The following EXT1 variants were observed in gnomAD, a reference collection of about 807,000 sequenced individuals.
EXT1 encodes the protein exostosin glycosyltransferase 1.
Under a neutral mutation model 82.5 loss-of-function variants are expected in EXT1, and 20 were observed. That is an observed-to-expected ratio of 0.24 (90% CI 0.17 to 0.35). The LOEUF is 0.35. Ranked by LOEUF, EXT1 falls within the 10% of genes least tolerant of loss-of-function variation. The pLI is 1.00. For missense variants in EXT1, 757 were observed against 936.5 expected, an observed-to-expected ratio of 0.81 and a Z score of 2.50; for synonymous variants, 348 against 350.8, an observed-to-expected ratio of 0.99 and a Z score of 0.09.
intron 1 of EXT1, among the ~76,000 whole-genome samples, chr8:117,997,685 G>A (rs1292522522): frequency 6.6e-6 from 1 of 152,202 alleles, no homozygotes; most frequent in Non-Finnish European, 1.5e-5. Flanking sequence ...CCATTATTCA[G>A]TAGAGGTACA....
intron 1 of EXT1, among the ~76,000 whole-genome samples, chr8:117,994,020 T>C (rs1306787865): frequency 6.6e-6 from 1 of 152,216 alleles, no homozygotes; most frequent in East Asian, 1.9e-4. Context: ...AGCAAAGTTC[T>C]TACTCTTCTC....
chr8:117,885,683 A>G (rs538616563), intron 1 of EXT1, among the ~76,000 whole-genome samples: 1 of 152,326 alleles, frequency 6.6e-6, no homozygotes, highest in East Asian at 1.9e-4. Flanking sequence ...TGTTCCACCA[A>G]GACTTTTCTT....
In EXT1 at chr8:117,827,129, GT is replaced by G. The variant is rs1460975815; in HGVS notation, c.1284+3100del. ...AAAGAGAGTCACGCCCAGACAGCTT[GT>G]GAGATTCTAGGTGGATATAATGTTT... is the stretch of plus-strand genomic sequence containing the variant. On this transcript the variant is annotated intron_variant, in intron 4 of 10. Coordinates refer to ENST00000378204, the MANE Select transcript of EXT1 (RefSeq NM_000127.3). Among the ~76,000 whole-genome samples, 28 of 152,210 alleles carry G rather than the reference GT, an allele frequency of 1.8e-4. 2 individuals are homozygous for G. The East Asian group carries it at 2.3e-3, about 13-fold the overall frequency.
chr8:117,947,400 T>G (rs1277182938), intron 1 of EXT1, among the ~76,000 whole-genome samples: 1 of 152,218 alleles, frequency 6.6e-6, no homozygotes, highest in Admixed American at 6.5e-5. Context: ...CATCGACTAC[T>G]GTGAATTAAA....
At chr8:117,845,625 T>C (rs1452880565) in intron 1 of EXT1, among the ~76,000 whole-genome samples, 1 of 152,178 alleles carries the variant, frequency 6.6e-6, no homozygotes, top group Admixed American at 6.5e-5. Flanking sequence ...AAATTTTAAT[T>C]TTTTATAGAG....
At chr8:118,039,201 T>C (rs1160631052) in intron 1 of EXT1, among the ~76,000 whole-genome samples, 1 of 152,256 alleles carries the variant, frequency 6.6e-6, no homozygotes. Flanking sequence ...TTACAAAGTG[T>C]ATGTAGGCTC....
intron 1 of EXT1, among the ~76,000 whole-genome samples, chr8:117,855,365 T>C (rs6992365): frequency 0.035 from 5,280 of 152,304 alleles, 296 homozygotes; most frequent in African/African-American, 0.12. Flanking sequence ...CTCTATCACA[T>C]TTTGGTAATT....
rs534497384 is a variant in EXT1 at position 117,935,023 on chromosome 8, A to T, written c.963-97822T>A. Among the ~76,000 whole-genome samples the T allele has an allele frequency of 2.0e-5, 3 of 152,282 alleles. No homozygotes were observed. The South Asian group carries it at 6.2e-4, about 32-fold the overall frequency. ...AAAGCATGTGAGCTTTCTTATCAAGACAGACCTGGCTTGAAAATCCATTCT... is the reference window on the plus strand; with the variant it reads ...AAAGCATGTGAGCTTTCTTATCAAGTCAGACCTGGCTTGAAAATCCATTCT... On this transcript the variant is annotated intron_variant, in intron 1 of 10. Coordinates refer to ENST00000378204, the MANE Select transcript of EXT1 (RefSeq NM_000127.3).
chr8:117,994,378 G>A (rs1815494338), intron 1 of EXT1, among the ~76,000 whole-genome samples: 1 of 152,204 alleles, frequency 6.6e-6, no homozygotes, highest in Non-Finnish European at 1.5e-5. Context: ...TTGGGAGGCT[G>A]AGCCAGATGG....
Position 118,080,688 on chromosome 8 carries a change from C to T in EXT1, c.962+29397G>A, listed in dbSNP as rs148241919. 3.6e-3 allele frequency among the ~76,000 whole-genome samples: 545 copies of T among 152,112 alleles called. 2 individuals carry two copies. The highest frequency in any genetic ancestry group is 0.012 in the African/African-American group (512 of 41,518). ...TTTAAAGTGCAAGGATTTTTGCCAC[C>T]GAAAGAACCTGAGCAATGAACTTAA... On this transcript the variant is annotated intron_variant, in intron 1 of 10. Transcript: ENST00000378204.
intron 1 of EXT1, among the ~76,000 whole-genome samples, chr8:117,868,070 C>T (rs902369802): frequency 3.3e-5 from 5 of 152,194 alleles, no homozygotes; most frequent in African/African-American, 1.2e-4. Context: ...GGCTCAGGAA[C>T]TTGGCTCCAG....
intron 1 of EXT1, among the ~76,000 whole-genome samples, chr8:117,859,342 G>A (rs895892754): frequency 1.3e-5 from 2 of 152,104 alleles, no homozygotes; most frequent in African/African-American, 4.8e-5. Flanking sequence ...ATAAAAATGA[G>A]GAAGAATAAG....
rs1237288043 is a variant in EXT1 at position 117,794,728 on chromosome 8, G to A, written c.*4984C>T. 7 of 151,944 alleles carry A rather than the reference G, an allele frequency of 4.6e-5. No individual in the cohort carries two copies. Among genetic ancestry groups the A allele is most frequent in the Admixed American group, 6.6e-5 (1 of 15,246 alleles). The allele number at this position is 151,944 out of a possible 1,614,324, so 9.4% of individuals were successfully genotyped here. On this transcript the variant is annotated 3_prime_UTR_variant, in exon 11 of 11. Coordinates refer to ENST00000378204, the MANE Select transcript of EXT1 (RefSeq NM_000127.3). ...AAGTCATTAATACTCTATAACAAAT[G>A]GGAAAAACACTTCAGAAAAGACCTG...
intron 1 of EXT1, among the ~76,000 whole-genome samples, chr8:117,906,610 C>A (rs540509356): frequency 1.3e-5 from 2 of 152,180 alleles, no homozygotes; most frequent in African/African-American, 4.8e-5. Context: ...ATGTTTCCTA[C>A]GAAATTCCTT....
At chr8:117,998,374 A>G (rs1815591447) in intron 1 of EXT1, among the ~76,000 whole-genome samples, 2 of 152,144 alleles carry the variant, frequency 1.3e-5, no homozygotes, top group South Asian at 4.1e-4. Flanking sequence ...CAGTGGCACA[A>G]TCATAGCTCA....
intron 1 of EXT1, among the ~76,000 whole-genome samples, chr8:117,872,043 G>T (rs1412188512): frequency 6.6e-6 from 1 of 151,924 alleles, no homozygotes; most frequent in African/African-American, 2.4e-5. Context: ...GAGGTGGAAG[G>T]ATCTCTTGGG....
At chr8:118,082,763 T>C (rs1817354265) in intron 1 of EXT1, among the ~76,000 whole-genome samples, 1 of 152,214 alleles carries the variant, frequency 6.6e-6, no homozygotes, top group Admixed American at 6.5e-5. Flanking sequence ...TTTAATTCCA[T>C]TTCAAATGGT....
At position 117,853,601 on chromosome 8, in the gene EXT1, AG is replaced by A. The variant is rs780082143; in HGVS notation, c.963-16401del. ...ACAGATAGTAAAGCTGCATCAGAAA[AG>A]AGCCTTAACAACTTGATTAGAGTTA... On this transcript the variant is annotated intron_variant, in intron 1 of 10. Transcript: ENST00000378204. Among the ~76,000 whole-genome samples the A allele has an allele frequency of 2.9e-3, 436 of 152,376 alleles. 2 individuals carry two copies. The highest frequency in any genetic ancestry group is 5.3e-3 in the Non-Finnish European group (360 of 68,040).
chr8:117,888,342 A>G (rs183264835), intron 1 of EXT1, among the ~76,000 whole-genome samples: 1 of 152,134 alleles, frequency 6.6e-6, no homozygotes. Flanking sequence ...AAACAATTAC[A>G]TTCATATAGA....
Sources: allele counts gnomAD v4.1 joint callset (sites outside exome capture counted in the v4.1 genomes callset), GRCh38; gene constraint gnomAD v4.1.1; transcripts MANE v1.5; gene names NCBI Gene and HGNC (gene_info 2026-07-23, HGNC 2026-07-21).